Variants in DOCK6 observed in about 807,000 individuals in gnomAD.
DOCK6 encodes dedicator of cytokinesis protein 6.
A neutral mutation model predicts 230.3 loss-of-function variants in DOCK6; 167 were observed. That is an observed-to-expected ratio of 0.73 (90% CI 0.64 to 0.82). The LOEUF (loss-of-function observed/expected upper bound fraction) is 0.82, where lower values mean the gene tolerates loss of function less well. Among genes scored for constraint, DOCK6 ranks in the 40% least tolerant of loss-of-function variants. The pLI is 0.00. For synonymous variants in DOCK6, 1,148 were observed against 1,185.0 expected, an observed-to-expected ratio of 0.97 and a Z score of 0.64; for missense variants, 2,598 against 2,825.8, an observed-to-expected ratio of 0.92 and a Z score of 1.83.
intron 1 of DOCK6, among the ~76,000 whole-genome samples, chr19:11,261,929 C>T (rs768926983): frequency 5.5e-4 from 84 of 152,150 alleles, no homozygotes; most frequent in Non-Finnish European, 1.0e-3. Context: ...ACCAAGGAGC[C>T]CATCTCTGTC....
intron 14 of DOCK6, among the ~76,000 whole-genome samples, chr19:11,239,112 T>C (rs991785804): frequency 6.6e-6 from 1 of 152,024 alleles, no homozygotes; most frequent in Non-Finnish European, 1.5e-5. Context: ...TGGCAGTCAG[T>C]GGTGATCTGG....
chr19:11,200,560 G>T lies in DOCK6; in HGVS notation c.5940-91C>A. 1 of 1,542,094 alleles carries T rather than the reference G, an allele frequency of 6.5e-7. No individual in the cohort carries two copies. Among genetic ancestry groups the T allele is most frequent in the Non-Finnish European group, 8.7e-7 (1 of 1,143,006 alleles). On this transcript the variant is annotated intron_variant, in intron 46 of 47. Coordinates refer to ENST00000294618, the MANE Select transcript of DOCK6 (RefSeq NM_020812.4). The surrounding 1 kb of genome is among the most constrained non-coding windows in gnomAD (Gnocchi z 4.3). ...GGGGGCACCCATAAGGCGGGACCAG[G>T]CCTGCAGAAAGACCCGCAATAGGAG...
At position 11,211,968 on chromosome 19, in the gene DOCK6, G is replaced by A. The variant is rs201212546; in HGVS notation, c.4650+25C>T. On this transcript the variant is annotated intron_variant, in intron 36 of 47. Coordinates refer to ENST00000294618, the MANE Select transcript of DOCK6 (RefSeq NM_020812.4). ...GTTGGGAGTTATATGAAGGGGAGGC[G>A]GGGCGGGGACCCAGCAGGTGTCACC... is the stretch of plus-strand genomic sequence containing the variant. The A allele has an allele frequency of 7.5e-5, 119 of 1,587,938 alleles. No homozygotes were observed. The African/African-American group carries it at 1.2e-3, about 17-fold the overall frequency.
At chr19:11,242,005 C>A in intron 14 of DOCK6, 40 bp downstream of exon 14, 1 of 1,543,168 alleles carries the variant, frequency 6.5e-7, no homozygotes, top group South Asian at 1.2e-5. Flanking sequence ...TGTATGAATA[C>A]CTCCCATTCA....
intron 35 of DOCK6, 142 bp downstream of exon 35, chr19:11,213,034 C>A: frequency 8.8e-7 from 1 of 1,133,674 alleles, no homozygotes. Context: ...CGGCACCTGA[C>A]CCCCAATTGC....
intron 22 of DOCK6, chr19:11,229,399 G>C: frequency 9.4e-7 from 1 of 1,064,548 alleles, no homozygotes; most frequent in Non-Finnish European, 1.1e-6. Flanking sequence ...GCCTATGATG[G>C]GATGTGATGG....
At chr19:11,204,155 G>C in intron 40 of DOCK6, 45 bp downstream of exon 40, 1 of 1,521,810 alleles carries the variant, frequency 6.6e-7, no homozygotes, top group Non-Finnish European at 8.8e-7. Context: ...TGGGGATGAG[G>C]AGTGGGGCTG....
rs558887356 is a variant in DOCK6, at chr19:11,243,004, T to G, written c.1480+55A>C. On this transcript the variant is annotated intron_variant, in intron 13 of 47. Transcript: ENST00000294618. This position sits in a 1 kb window ranked among gnomAD's most constrained non-coding sequence, Gnocchi z 6.3. ...CACAGTAGGTGCTCTCAGTGTAGGT[T>G]TGTTGAGTGGCTGAGTGAGAGTGAT... The G allele has an allele frequency of 5.3e-5, 85 of 1,598,780 alleles. No individual in the cohort carries two copies. Among genetic ancestry groups the G allele is most frequent in the Non-Finnish European group, 7.1e-5 (83 of 1,169,606 alleles).
At chr19:11,241,575 G>A (rs2079945058) in intron 14 of DOCK6, 2 of 1,554,268 alleles carry the variant, frequency 1.3e-6, no homozygotes, top group Admixed American at 3.9e-5. Context: ...CAGGGGTTTG[G>A]CAGGCAGGGC....
chr19:11,209,065 A>T lies in DOCK6; in HGVS notation c.4790T>A (p.Leu1597Gln). 1 of 1,612,346 alleles carries T rather than the reference A, an allele frequency of 6.2e-7. No homozygotes were observed. Among genetic ancestry groups the T allele is most frequent in the Admixed American group, 1.7e-5 (1 of 59,896 alleles). The change falls in exon 38 of 48, where the codon CTG becomes CAG. Residue 1597 changes from leucine to glutamine, a missense_variant. Physicochemically the swap from Leu to Gln is moderately radical, Grantham distance 113 (BLOSUM62 -2). Coordinates refer to ENST00000294618, the MANE Select transcript of DOCK6 (RefSeq NM_020812.4). The part of the protein sequence containing the change: ...RGYQGSPDLR[L>Q]TWLQNMAGKH... Reference sequence around the variant, plus strand: ...CCCGGCCATGTTCTGCAACCAGGTCAGCCGAAGGTCCGGTGAGCCCTGGTA... The same window carrying T: ...CCCGGCCATGTTCTGCAACCAGGTCTGCCGAAGGTCCGGTGAGCCCTGGTA...
intron 32 of DOCK6, 54 bp from the exon 33 acceptor site, chr19:11,214,703 T>C (rs2079451852): frequency 6.5e-7 from 1 of 1,541,342 alleles, no homozygotes; most frequent in Non-Finnish European, 8.9e-7. Context: ...TCCTACTCCA[T>C]GGCTGAGCTC....
chr19:11,253,887 T>G, intron 1 of DOCK6, 161 bp from the exon 2 acceptor site: 1 of 544,650 alleles, frequency 1.8e-6, no homozygotes, highest in Non-Finnish European at 3.2e-6. Flanking sequence ...AGCTCCCCAG[T>G]TCCCCCAACG....
In DOCK6 at chr19:11,233,230, G is replaced by T. The variant is rs768456287; in HGVS notation, c.2691C>A (p.Asp897Glu). The change falls in exon 22 of 48, where the codon GAC becomes GAA. Residue 897 changes from aspartate (D) to glutamate (E), a missense_variant. Physicochemically the swap from Asp to Glu is conservative, Grantham distance 45. Transcript: ENST00000294618. ...DLAVAPGSVD[D>E]EVSRILASKL... The stretch of plus-strand genomic sequence containing the variant: ...TGCTGGCCAGGATGCGGGAAACCTC[G>T]TCATCCACAGAGCCAGGGGCCACGG... The T allele has an allele frequency of 6.2e-7, 1 of 1,613,684 alleles. No individual in the cohort carries two copies. Among genetic ancestry groups the T allele is most frequent in the Middle Eastern group, 1.7e-4 (1 of 5,938 alleles).
Position 11,252,964 on chromosome 19 carries a change from T to C in DOCK6, c.133-6A>G, listed in dbSNP as rs1339406947. 13 of 1,600,018 alleles carry C rather than the reference T, an allele frequency of 8.1e-6. No homozygotes were observed. Among genetic ancestry groups the C allele is most frequent in the Middle Eastern group, 1.6e-4 (1 of 6,070 alleles). On this transcript the variant is annotated splice_polypyrimidine_tract_variant and splice_region_variant and intron_variant, in intron 2 of 47. Transcript: ENST00000294618. ...ACAACTTCAGTCAGTGGGACCTGGA[T>C]TGGAGCAAAGTGGCTGTGATCGCAC...
rs2079320574 is a variant in DOCK6 at position 11,209,229 on chromosome 19, C to T, written c.4752-126G>A. On this transcript the variant is annotated intron_variant, in intron 37 of 47. Coordinates refer to ENST00000294618, the MANE Select transcript of DOCK6 (RefSeq NM_020812.4). ...CCCCAAGGACCAGCCAATCTCCTCA[C>T]CTGTACCCCATCCCCTCACTCATTC... 20 of 1,085,410 alleles carry T rather than the reference C, an allele frequency of 1.8e-5. No homozygotes were observed. The South Asian group carries it at 3.0e-4, about 16-fold the overall frequency. 67.2% of individuals were successfully genotyped at this position (1,085,410 alleles called of 1,614,324 possible).
chr19:11,207,450 C>T (rs940726359), intron 39 of DOCK6, among the ~76,000 whole-genome samples: 30 of 152,030 alleles, frequency 2.0e-4, no homozygotes, highest in Admixed American at 2.0e-3. Flanking sequence ...CCTGCTTCAG[C>T]CTCCCAAAGT....
At chr19:11,245,487 G>T in intron 9 of DOCK6, 76 bp downstream of exon 9, 1 of 1,404,082 alleles carries the variant, frequency 7.1e-7, no homozygotes, top group Non-Finnish European at 9.8e-7. Context: ...TGATGTATCT[G>T]TCTCATTCTG....
Position 11,252,145 on chromosome 19 carries a change from C to A in DOCK6, c.481G>T (p.Asp161Tyr), listed in dbSNP as rs1472281772. The A allele has an allele frequency of 6.3e-7, 1 of 1,588,662 alleles. No homozygotes were observed. The highest frequency in any genetic ancestry group is 1.8e-5 in the Admixed American group (1 of 55,954). Residue 161 changes from aspartate (D) to tyrosine (Y), a missense_variant, in exon 5 of 48, where the codon GAC (aspartate) becomes TAC (tyrosine). Physicochemically the swap from Asp to Tyr is radical, Grantham distance 160. Transcript: ENST00000294618. ...GAGTCCTCAGGGCCGGACCTCTCGT[C>A]TCCAGAAGCATCCTGCTCAAAGACC... ...RQVFEQDASG[D>Y]ERSGPEDSND...
intron 14 of DOCK6, among the ~76,000 whole-genome samples, chr19:11,239,361 C>T (rs1205233856): frequency 2.6e-5 from 4 of 152,194 alleles, no homozygotes; most frequent in African/African-American, 7.2e-5. Context: ...GATGGAGAAA[C>T]AGGCTCAGCA....
Sources: allele counts gnomAD v4.1 joint callset (sites outside exome capture counted in the v4.1 genomes callset), GRCh38; gene constraint gnomAD v4.1.1; non-coding constraint Gnocchi (gnomAD v3.1); transcripts MANE v1.5; gene names NCBI Gene and HGNC (gene_info 2026-07-23, HGNC 2026-07-21).